The following SRFBP1 variants were observed in gnomAD, a reference collection of about 807,000 sequenced individuals.
SRFBP1 encodes the protein serum response factor-binding protein 1.
SRFBP1 carries 47 observed loss-of-function variants against 45.5 expected under a neutral mutation model. That is an observed-to-expected ratio of 1.03 (90% confidence interval 0.82 to 1.32). SRFBP1 has a LOEUF of 1.32. Ranked by LOEUF, SRFBP1 falls within the 40% of genes most tolerant of loss-of-function variation. The pLI, the probability that SRFBP1 is intolerant of heterozygous loss-of-function variation, is 0.00. For missense variants in SRFBP1, 621 were observed against 484.6 expected (o/e 1.28, Z -2.64); for synonymous variants, 203 against 166.3 (o/e 1.22, Z -1.70).
chr5:122,007,219 G>C (rs1015422509), intron 4 of SRFBP1, among the ~76,000 whole-genome samples: 1 of 151,992 alleles, frequency 6.6e-6, no homozygotes, highest in African/African-American at 2.4e-5. Flanking sequence ...CTGAAGACTG[G>C]ATCAATAAAG....
chr5:122,066,324 T>C (rs1413888989), intron 2 of SRFBP1: 1 of 169,798 alleles, frequency 5.9e-6, no homozygotes, highest in Non-Finnish European at 1.3e-5. Flanking sequence ...CTATGACATA[T>C]ATAAACCCAT....
chr5:122,069,998 C>T, intron 2 of SRFBP1: 1 of 1,259,888 alleles, frequency 7.9e-7, no homozygotes, highest in Non-Finnish European at 1.2e-6. Context: ...TAATGTTTGG[C>T]ATGAACAAAA....
In SRFBP1 at chr5:122,020,214, G is replaced by A. The variant is rs199841908; in HGVS notation, c.479G>A (p.Arg160His). 9.2e-4 allele frequency: 1,490 copies of A among 1,613,544 alleles called. No individual in the cohort carries two copies. Among genetic ancestry groups the A allele is most frequent in the Middle Eastern group, 2.0e-3 (12 of 6,060 alleles). Residue 160 changes from arginine to histidine, a missense_variant, in exon 6 of 8, where the codon CGT (arginine) becomes CAT (histidine). By Grantham distance (29) the Arg-to-His change is conservative (BLOSUM62 0). Coordinates refer to ENST00000339397, the MANE Select transcript of SRFBP1 (RefSeq NM_152546.3). ...AATGATAATGGAAGTAATTTACAGCGTGAAGCAACTGTCATCAGTGAGCAA... is the reference window on the plus strand; with the variant it reads ...AATGATAATGGAAGTAATTTACAGCATGAAGCAACTGTCATCAGTGAGCAA... ...YSNDNGSNLQ[R>H]EATVISEQKV...
intron 3 of SRFBP1, among the ~76,000 whole-genome samples, chr5:121,987,711 T>C (rs1189247719): frequency 6.6e-6 from 1 of 152,166 alleles, no homozygotes; most frequent in Non-Finnish European, 1.5e-5. Flanking sequence ...CTTTGGAAAA[T>C]ACAAACATGT....
At chr5:122,003,521 A>G (rs1396109670) in intron 4 of SRFBP1, among the ~76,000 whole-genome samples, 1 of 152,134 alleles carries the variant, frequency 6.6e-6, no homozygotes, top group East Asian at 1.9e-4. Flanking sequence ...GTTTTTTGCC[A>G]TATATGTCCT....
chr5:121,997,456 A>G lies in SRFBP1; in HGVS notation c.270+2786A>G, dbSNP rs1012367371. Among the ~76,000 whole-genome samples the G allele has an allele frequency of 6.1e-3, 927 of 152,026 alleles. 32 individuals are homozygous for G. Among genetic ancestry groups the G allele is most frequent in the Admixed American group, 0.052 (799 of 15,284 alleles). On this transcript the variant is annotated intron_variant, in intron 4 of 7. Transcript: ENST00000339397. ...ATAAATGGTGCTGGGAAAACTGGCT[A>G]GCCATATGTAGAAAGCTGAAACTGG... is the stretch of plus-strand genomic sequence containing the variant.
rs183849141 is a variant in SRFBP1 at position 121,994,448 on chromosome 5, T to C, written c.199-151T>C. The C allele has an allele frequency of 7.9e-4, 474 of 602,682 alleles. 5 individuals carry two copies. The African/African-American group carries it at 8.3e-3, about 11-fold the overall frequency. 37.3% of individuals were successfully genotyped at this position (602,682 alleles called of 1,614,324 possible). A position where few individuals can be genotyped will look rare whatever the true frequency, so the allele number is the denominator to read the frequency against. On this transcript the variant is annotated intron_variant, in intron 3 of 7. Transcript: ENST00000339397. ...ATTCCGTTATATTCCTGATGTTTCC[T>C]TTCAACTCTGTCATATTTTATGGGA...
chr5:122,012,649 G>C (rs1753119328), intron 4 of SRFBP1, among the ~76,000 whole-genome samples: 1 of 152,072 alleles, frequency 6.6e-6, no homozygotes, highest in South Asian at 2.1e-4. Context: ...AAGGAATAGT[G>C]AAGGACCAGA....
intron 3 of SRFBP1, among the ~76,000 whole-genome samples, chr5:121,986,022 TAAAATA>T (rs1752511337): frequency 6.6e-6 from 1 of 151,906 alleles, no homozygotes; most frequent in African/African-American, 2.4e-5. Context: ...ATATGATATT[TAAAATA>T]ATGAAACTGG....
chr5:122,010,461 C>A (rs917227077), intron 4 of SRFBP1, among the ~76,000 whole-genome samples: 2 of 152,124 alleles, frequency 1.3e-5, no homozygotes, highest in Non-Finnish European at 2.9e-5. Context: ...ATCACTGTCA[C>A]TTAAAAGCAG....
chr5:121,974,053 T>C (rs1752252913), intron 1 of SRFBP1, 143 bp from the exon 2 acceptor site: 1 of 558,804 alleles, frequency 1.8e-6, no homozygotes, highest in Admixed American at 3.2e-5. Flanking sequence ...GGAAGAGGTT[T>C]GATTTCATCA....
chr5:122,023,970 A>G (rs956176264), intron 7 of SRFBP1, among the ~76,000 whole-genome samples: 1 of 152,202 alleles, frequency 6.6e-6, no homozygotes, highest in African/African-American at 2.4e-5. Flanking sequence ...AAAATTAATC[A>G]GATTTGGATG....
At chr5:122,048,775 A>G (rs577784305) in intron 2 of SRFBP1, among the ~76,000 whole-genome samples, 2 of 152,142 alleles carry the variant, frequency 1.3e-5, no homozygotes, top group African/African-American at 4.8e-5. Context: ...TAGTCTTGGG[A>G]GGGTATATGT....
At chr5:121,997,417 G>C (rs1485856742) in intron 4 of SRFBP1, among the ~76,000 whole-genome samples, 1 of 151,664 alleles carries the variant, frequency 6.6e-6, no homozygotes, top group Admixed American at 6.6e-5. Flanking sequence ...AATGGGGAAA[G>C]GATTCCCTAT....
At chr5:122,052,010 C>T (rs576422053) in intron 2 of SRFBP1, among the ~76,000 whole-genome samples, 11 of 152,214 alleles carry the variant, frequency 7.2e-5, no homozygotes, top group African/African-American at 2.6e-4. Flanking sequence ...CTCATGAAAC[C>T]TAGTTTGGCC....
At position 122,019,962 on chromosome 5, in the gene SRFBP1, G is replaced by A; in HGVS notation, c.353-126G>A. The A allele has an allele frequency of 5.4e-6, 3 of 560,386 alleles. No homozygotes were observed. The South Asian group carries it at 1.1e-4, about 20-fold the overall frequency. 34.7% of individuals were successfully genotyped at this position (560,386 alleles called of 1,614,324 possible). On this transcript the variant is annotated intron_variant, in intron 5 of 7. Coordinates refer to ENST00000339397, the MANE Select transcript of SRFBP1 (RefSeq NM_152546.3). ...CTTTGTGAATTCAGACCGAGTATAT[G>A]TATTTAATATCAATTCCAACTGCCC...
At chr5:122,075,758 T>C (rs1453579465), downstream of SRFBP1, among the ~76,000 whole-genome samples, 3 of 152,134 alleles carry the variant, frequency 2.0e-5, no homozygotes, top group African/African-American at 7.2e-5. Context: ...GAATATTTGG[T>C]GAATAAGTGA....
intron 2 of SRFBP1, among the ~76,000 whole-genome samples, chr5:122,055,655 T>A (rs1754065423): frequency 6.6e-6 from 1 of 152,198 alleles, no homozygotes; most frequent in African/African-American, 2.4e-5. Context: ...CTGTTTTTAT[T>A]TCTAAGAAAA....
At chr5:121,986,736 G>A (rs150268852) in intron 3 of SRFBP1, among the ~76,000 whole-genome samples, 109 of 152,066 alleles carry the variant, frequency 7.2e-4, no homozygotes, top group African/African-American at 2.4e-3. Flanking sequence ...CCTCATATCC[G>A]TAATCAGCCA....
Sources: allele counts gnomAD v4.1 joint callset (sites outside exome capture counted in the v4.1 genomes callset), GRCh38; gene constraint gnomAD v4.1.1; transcripts MANE v1.5; gene names NCBI Gene and HGNC (gene_info 2026-07-23, HGNC 2026-07-21).